The following PPP4R1 variants were observed in gnomAD, a reference collection of about 807,000 sequenced individuals.
PPP4R1 encodes the protein protein phosphatase 4 regulatory subunit 1.
Under a neutral mutation model 111.2 loss-of-function variants are expected in PPP4R1, and 42 were observed. That is an observed-to-expected ratio of 0.38 (90% CI 0.29 to 0.49). The LOEUF (loss-of-function observed/expected upper bound fraction) is 0.49. Ranked by LOEUF, PPP4R1 falls within the 20% of genes least tolerant of loss-of-function variation. PPP4R1 has a pLI of 0.97. For missense variants in PPP4R1, 1,012 were observed against 1,161.6 expected (o/e 0.87, Z 1.87); for synonymous variants, 409 against 405.5 (o/e 1.01, Z -0.10).
At position 9,549,378 on chromosome 18, in the gene PPP4R1, T is replaced by G. The variant is rs540561477; in HGVS notation, c.2548-40A>C. On this transcript the variant is annotated intron_variant, in intron 18 of 19. Transcript: ENST00000400556. ...CAGCTGCTCTAGGCTTCTCTGTCAA[T>G]GTAGCCAAAAACTCGACTACTGGCT... is the stretch of plus-strand genomic sequence containing the variant. 5 of 1,556,116 alleles carry G rather than the reference T, an allele frequency of 3.2e-6. No homozygotes were observed. In the South Asian group the frequency reaches 5.8e-5, roughly 18 times the overall value.
At chr18:9,558,315 A>G (rs1023759954) in intron 14 of PPP4R1, among the ~76,000 whole-genome samples, 1 of 152,296 alleles carries the variant, frequency 6.6e-6, no homozygotes. Context: ...CCAGATTCTG[A>G]GCCATCAGAG....
At chr18:9,592,674 C>CAA (rs59949280) in intron 4 of PPP4R1, among the ~76,000 whole-genome samples, 6 of 113,356 alleles carry the variant, frequency 5.3e-5, no homozygotes, top group Non-Finnish European at 9.8e-5. Context: ...CACACACTTA[C>CAA]AAAAAAAAAA....
intron 6 of PPP4R1, among the ~76,000 whole-genome samples, chr18:9,585,802 T>C (rs1485247678): frequency 1.3e-5 from 2 of 152,144 alleles, no homozygotes; most frequent in Non-Finnish European, 2.9e-5. Context: ...TTTTAAAAAA[T>C]ATGAAATCGA....
At chr18:9,582,509 A>C (rs1404535245) in intron 9 of PPP4R1, among the ~76,000 whole-genome samples, 2 of 152,218 alleles carry the variant, frequency 1.3e-5, no homozygotes, top group African/African-American at 4.8e-5. Flanking sequence ...ACCTATAACA[A>C]GTGAAGAGAC....
rs1254862828 is a variant in PPP4R1, at chr18:9,547,745, C to T, written c.*44G>A. ...CATGCGTGGCGAATGCCCACTGAAC[C>T]TCGGCTCTCATGGAAGCAGGAAAGA... On this transcript the variant is annotated 3_prime_UTR_variant, in exon 20 of 20. Transcript: ENST00000400556. The T allele has an allele frequency of 6.2e-7, 1 of 1,605,930 alleles. No individual in the cohort carries two copies. Among genetic ancestry groups the T allele is most frequent in the African/African-American group, 1.3e-5 (1 of 74,870 alleles).
intron 3 of PPP4R1, 34 bp downstream of exon 3, chr18:9,594,984 C>T (rs749010864): frequency 1.2e-6 from 2 of 1,602,034 alleles, no homozygotes; most frequent in Non-Finnish European, 1.7e-6. Context: ...ACCACCCTTC[C>T]ACTTCCACTT....
chr18:9,590,658 C>T (rs2067195660), intron 4 of PPP4R1, among the ~76,000 whole-genome samples: 1 of 151,904 alleles, frequency 6.6e-6, no homozygotes, highest in Middle Eastern at 3.2e-3. Flanking sequence ...GAAAGATGGT[C>T]TTCCCAGTTG....
intron 2 of PPP4R1, among the ~76,000 whole-genome samples, chr18:9,604,478 C>T (rs1044074371): frequency 9.2e-5 from 14 of 152,152 alleles, no homozygotes; most frequent in Admixed American, 8.5e-4. Context: ...AACCTAGTTT[C>T]CTCCTCTGTA....
At position 9,564,734 on chromosome 18, in the gene PPP4R1, G is replaced by GTT. The variant is rs1276769740; in HGVS notation, c.1574-1185_1574-1184insAA. On this transcript the variant is annotated intron_variant, in intron 11 of 19. Coordinates refer to ENST00000400556, the MANE Select transcript of PPP4R1 (RefSeq NM_001042388.3). ...TGTGTGTGTGTGTGTGTGTGTGTGT[G>GTT]TGTGGGGGTATCATCCCCCATCCAT... Among the ~76,000 whole-genome samples, 265 of 29,272 alleles carry GTT rather than the reference G, an allele frequency of 9.1e-3. 1 individual carries two copies. The highest frequency in any genetic ancestry group is 0.023 in the African/African-American group (217 of 9,264). 19.2% of individuals were successfully genotyped at this position (29,272 alleles called of 152,430 possible).
At chr18:9,588,353 G>C in intron 5 of PPP4R1, 118 bp from the exon 6 acceptor site, 1 of 1,066,502 alleles carries the variant, frequency 9.4e-7, no homozygotes, top group Non-Finnish European at 1.3e-6. Flanking sequence ...GCAAAACTCC[G>C]CAAATAAATA....
In PPP4R1 at chr18:9,584,762, A is replaced by C; in HGVS notation, c.652T>G (p.Cys218Gly). 1.2e-6 allele frequency: 2 copies of C among 1,613,908 alleles called. No homozygotes were observed. Among genetic ancestry groups the C allele is most frequent in the Non-Finnish European group, 1.7e-6 (2 of 1,179,820 alleles). Residue 218 changes from cysteine (C) to glycine (G), a missense_variant, in exon 7 of 20, where the codon TGT (cysteine) becomes GGT (glycine). Physicochemically the swap from Cys to Gly is radical, Grantham distance 159. Transcript: ENST00000400556. ...ATTCTGCAATCGCAGCACATCTCAC[A>C]AAACCTAGGGAGGATAAGACGCTCT... ...ITERLILPRF[C>G]EMCCDCRMFH... is the part of the protein sequence containing the mutation.
intron 16 of PPP4R1, 42 bp from the exon 17 acceptor site, chr18:9,550,440 C>T (rs761469513): frequency 1.6e-5 from 24 of 1,546,800 alleles, no homozygotes; most frequent in South Asian, 7.1e-5. Context: ...TAAAAATCAG[C>T]GAGACAAATG....
intron 4 of PPP4R1, among the ~76,000 whole-genome samples, chr18:9,592,078 A>G (rs1262728579): frequency 2.0e-5 from 3 of 152,118 alleles, no homozygotes; most frequent in Non-Finnish European, 4.4e-5. Context: ...TCAAAAACAA[A>G]AACACCCAAT....
intron 2 of PPP4R1, among the ~76,000 whole-genome samples, chr18:9,611,570 G>A (rs190123865): frequency 7.6e-4 from 115 of 152,288 alleles, no homozygotes; most frequent in African/African-American, 2.6e-3. Flanking sequence ...CTGGGTAAAG[G>A]TATCACCTGT....
At position 9,570,691 on chromosome 18, in the gene PPP4R1, T is replaced by C. The variant is rs1340003147; in HGVS notation, c.1047-8A>G. 1 of 1,519,348 alleles carries C rather than the reference T, an allele frequency of 6.6e-7. No homozygotes were observed. The highest frequency in any genetic ancestry group is 8.8e-7 in the Non-Finnish European group (1 of 1,138,660). 94.1% of individuals were successfully genotyped at this position (1,519,348 alleles called of 1,614,324 possible). On this transcript the variant is annotated splice_polypyrimidine_tract_variant and splice_region_variant and intron_variant, in intron 10 of 19. Transcript: ENST00000400556. ...GCTTCTTGATCTCTGGTCCTTTTAT[T>C]GTTTTATTTGGTGGGAAAAAAACAA...
intron 2 of PPP4R1, among the ~76,000 whole-genome samples, chr18:9,600,091 T>G (rs2145291277): frequency 6.6e-6 from 1 of 152,052 alleles, no homozygotes. Flanking sequence ...ATATTCTGCT[T>G]CAAATGTTTT....
intron 10 of PPP4R1, among the ~76,000 whole-genome samples, chr18:9,572,560 T>C (rs2066878395): frequency 6.6e-6 from 1 of 152,142 alleles, no homozygotes; most frequent in Non-Finnish European, 1.5e-5. Context: ...GTAAGATGAA[T>C]ACAGGAAAAA....
chr18:9,597,776 G>C (rs1227901539), intron 2 of PPP4R1, among the ~76,000 whole-genome samples: 6 of 152,012 alleles, frequency 3.9e-5, no homozygotes, highest in Admixed American at 3.9e-4. Flanking sequence ...ACTCAACAAG[G>C]TAAACTCTAC....
intron 3 of PPP4R1, 162 bp from the exon 4 acceptor site, chr18:9,594,036 T>A: frequency 1.8e-6 from 1 of 571,096 alleles, no homozygotes; most frequent in Admixed American, 2.8e-5. Flanking sequence ...CAGGTAATCC[T>A]CCCACCTCAG....
Sources: allele counts gnomAD v4.1 joint callset (sites outside exome capture counted in the v4.1 genomes callset), GRCh38; gene constraint gnomAD v4.1.1; transcripts MANE v1.5; gene names NCBI Gene and HGNC (gene_info 2026-07-23, HGNC 2026-07-21).